CCDC88A: variants seen among roughly 807,000 people sequenced by gnomAD.
CCDC88A encodes the protein coiled-coil and HOOK domain protein 88A, also known as girdin.
In CCDC88A, 54 loss-of-function variants were observed where a neutral mutation model predicts 234.3. That is an observed-to-expected ratio of 0.23 (90% CI 0.19 to 0.29). The LOEUF is 0.29. Ranked by LOEUF, CCDC88A falls within the 10% of genes least tolerant of loss-of-function variation. The probability of loss-of-function intolerance (pLI) is 1.00; values close to 1 mark genes in which losing one functional copy is unlikely to be tolerated. For missense variants in CCDC88A, 1,832 were observed against 2,123.4 expected (o/e 0.86, Z 2.70); for synonymous variants, 753 against 737.8 (o/e 1.02, Z -0.33).
At chr2:55,297,798 T>C (rs1488841461) in intron 29 of CCDC88A, among the ~76,000 whole-genome samples, 1 of 152,126 alleles carries the variant, frequency 6.6e-6, no homozygotes, top group African/African-American at 2.4e-5. Flanking sequence ...TTTGCTTATC[T>C]AAGAAGTCCT....
At chr2:55,320,005 G>A (rs1683426947) in intron 18 of CCDC88A, among the ~76,000 whole-genome samples, 1 of 152,044 alleles carries the variant, frequency 6.6e-6, no homozygotes, top group Admixed American at 6.6e-5. Context: ...GCATGTCACT[G>A]TGTAAAAGGC....
intron 17 of CCDC88A, among the ~76,000 whole-genome samples, chr2:55,325,872 G>C (rs1684198423): frequency 6.6e-6 from 1 of 152,074 alleles, no homozygotes; most frequent in East Asian, 1.9e-4. Flanking sequence ...ATTATGCAAT[G>C]AACTACTTAG....
At position 55,289,649 on chromosome 2, in the gene CCDC88A, C is replaced by G. The variant is rs748561587; in HGVS notation, c.*1551G>C. 1 of 152,074 alleles carries G rather than the reference C, an allele frequency of 6.6e-6. No homozygotes were observed. The highest frequency in any genetic ancestry group is 1.5e-5 in the Non-Finnish European group (1 of 67,980). 9.4% of individuals were successfully genotyped at this position (152,074 alleles called of 1,614,324 possible). ...TGGCATTGAAGTACGTAAGTAAGCT[C>G]AAGTTCTCTAAGTTCCATTTCAATT... is the stretch of plus-strand genomic sequence containing the variant. On this transcript the variant is annotated 3_prime_UTR_variant, in exon 33 of 33. Transcript: ENST00000436346.
intron 19 of CCDC88A, among the ~76,000 whole-genome samples, chr2:55,318,108 G>T (rs1683192271): frequency 6.6e-6 from 1 of 152,062 alleles, no homozygotes; most frequent in African/African-American, 2.4e-5. Flanking sequence ...TATTTTAAAT[G>T]AAGGTGATTA....
intron 25 of CCDC88A, among the ~76,000 whole-genome samples, chr2:55,305,601 C>A (rs1410362187): frequency 6.6e-6 from 1 of 152,166 alleles, no homozygotes; most frequent in African/African-American, 2.4e-5. Flanking sequence ...AATCCCAGCA[C>A]TTTGGGAGAC....
At chr2:55,413,734 G>T (rs562979701) in intron 2 of CCDC88A, among the ~76,000 whole-genome samples, 1 of 152,128 alleles carries the variant, frequency 6.6e-6, no homozygotes, top group South Asian at 2.1e-4. Context: ...GGGAGGCTGA[G>T]GTGGGTGGAT....
Position 55,336,753 on chromosome 2 carries a change from G to GC in CCDC88A, c.1583dup (p.Ser528ArgfsTer12). The GC allele has an allele frequency of 6.3e-7, 1 of 1,586,234 alleles. No individual in the cohort carries two copies. Among genetic ancestry groups the GC allele is most frequent in the Non-Finnish European group, 8.6e-7 (1 of 1,162,314 alleles). ...GAGCTTTCTCCTTCATTAGATCCTT[G>GC]CTTAAATTCTGACAATTCTGAAGAC... is the stretch of plus-strand genomic sequence containing the variant. On this transcript the variant is annotated frameshift_variant, in exon 14 of 33. Coordinates refer to ENST00000436346, the MANE Select transcript of CCDC88A (RefSeq NM_001365480.1). LOFTEE classifies it high-confidence loss of function.
chr2:55,372,485 T>C lies in CCDC88A; in HGVS notation c.369A>G (p.Lys123=). The C allele has an allele frequency of 6.6e-7, 1 of 1,524,368 alleles. No individual in the cohort carries two copies. The highest frequency in any genetic ancestry group is 9.1e-7 in the Non-Finnish European group (1 of 1,103,988). The allele number at this position is 1,524,368 out of a possible 1,614,324, so 94.4% of individuals were successfully genotyped here. A position where few individuals can be genotyped will look rare whatever the true frequency, so the allele number is the denominator to read the frequency against. ...CACAACCCAATAAAAGTAAAAGCAG[T>C]TTTTTAACTTCTTCTGTGCCTTGTT... ...FSEQGTEEVK[K]LLLLLLGCAV... is the part of the protein sequence containing the mutation. The change falls in exon 5 of 33, where the codon AAA becomes AAG. Residue 123 remains lysine, a synonymous_variant. Coordinates refer to ENST00000436346, the MANE Select transcript of CCDC88A (RefSeq NM_001365480.1).
chr2:55,341,163 T>G (rs1574185067), intron 12 of CCDC88A, among the ~76,000 whole-genome samples: 2 of 121,040 alleles, frequency 1.7e-5, no homozygotes, highest in East Asian at 2.8e-4. Flanking sequence ...TTTTTTTTTT[T>G]GAGACAGAGT....
intron 25 of CCDC88A, among the ~76,000 whole-genome samples, chr2:55,305,876 C>T (rs1449425622): frequency 6.6e-6 from 1 of 151,240 alleles, no homozygotes; most frequent in Non-Finnish European, 1.5e-5. Flanking sequence ...AAAAAAACTT[C>T]CTTTAAAAAA....
intron 16 of CCDC88A, chr2:55,331,711 A>G (rs1684932897): frequency 6.6e-6 from 1 of 152,122 alleles, no homozygotes; most frequent in African/African-American, 2.4e-5. Flanking sequence ...GAGAATACAT[A>G]TTTTTTTAAA....
intron 29 of CCDC88A, chr2:55,297,303 TA>T (rs1214903755): frequency 1.4e-4 from 9 of 64,534 alleles, no homozygotes; most frequent in African/African-American, 3.2e-4. Context: ...AATTTATATA[TA>T]ATTATATATA....
At chr2:55,319,686 G>GC (rs1431021666) in intron 18 of CCDC88A, among the ~76,000 whole-genome samples, 1 of 151,796 alleles carries the variant, frequency 6.6e-6, no homozygotes, top group Non-Finnish European at 1.5e-5. Flanking sequence ...AGTACATAAG[G>GC]CCATATTTCA....
At chr2:55,377,849 G>A (rs1052917276) in intron 3 of CCDC88A, among the ~76,000 whole-genome samples, 4 of 151,296 alleles carry the variant, frequency 2.6e-5, no homozygotes, top group Non-Finnish European at 4.4e-5. Context: ...ATCGTGATCC[G>A]CCTGCCTTGG....
At position 55,317,440 on chromosome 2, in the gene CCDC88A, C is replaced by T; in HGVS notation, c.3603-91G>A. ...TGAGTAATGAGTATCATTTAAAACACATGTAAATTTATATAAATTTCTTAT... is the reference window on the plus strand; with the variant it reads ...TGAGTAATGAGTATCATTTAAAACATATGTAAATTTATATAAATTTCTTAT... On this transcript the variant is annotated intron_variant, in intron 20 of 32. Coordinates refer to ENST00000436346, the MANE Select transcript of CCDC88A (RefSeq NM_001365480.1). This position sits in a 1 kb window ranked among gnomAD's most constrained non-coding sequence, Gnocchi z 4.2. 1 of 1,185,330 alleles carries T rather than the reference C, an allele frequency of 8.4e-7. No homozygotes were observed. Among genetic ancestry groups the T allele is most frequent in the Admixed American group, 2.6e-5 (1 of 38,032 alleles). The allele number at this position is 1,185,330 out of a possible 1,614,324, so 73.4% of individuals were successfully genotyped here.
intron 2 of CCDC88A, among the ~76,000 whole-genome samples, chr2:55,393,289 GTTTTTTT>G (rs558827055): frequency 4.9e-5 from 3 of 61,680 alleles, no homozygotes; most frequent in East Asian, 5.6e-4. Context: ...GGTTTTTTGG[GTTTTTTT>G]TTTTTTTTTT....
intron 2 of CCDC88A, 89 bp from the exon 3 acceptor site, chr2:55,388,975 A>G: frequency 2.9e-6 from 1 of 346,534 alleles, no homozygotes; most frequent in Non-Finnish European, 5.1e-6. Context: ...ATACTTTTTT[A>G]TTTAAATAAA....
intron 2 of CCDC88A, among the ~76,000 whole-genome samples, chr2:55,413,989 C>T (rs1680941172): frequency 6.6e-6 from 1 of 150,662 alleles, no homozygotes; most frequent in South Asian, 2.1e-4. Flanking sequence ...AACAAGCAAA[C>T]AAACAAACAA....
At chr2:55,403,799 G>A (rs1679117707) in intron 2 of CCDC88A, 1 of 152,168 alleles carries the variant, frequency 6.6e-6, no homozygotes, top group Admixed American at 6.5e-5. Context: ...CCAACCTCAT[G>A]ACCAGTAACT....
Sources: allele counts gnomAD v4.1 joint callset (sites outside exome capture counted in the v4.1 genomes callset), GRCh38; gene constraint gnomAD v4.1.1; non-coding constraint Gnocchi (gnomAD v3.1); transcripts MANE v1.5; gene names NCBI Gene and HGNC (gene_info 2026-07-23, HGNC 2026-07-21).